The following ITGA8 variants were observed in gnomAD, a reference collection of about 807,000 sequenced individuals.
ITGA8 encodes the protein integrin subunit alpha 8.
Under a neutral mutation model 142.3 loss-of-function variants are expected in ITGA8, and 91 were observed. The observed-to-expected ratio is 0.64, with a 90% confidence interval of 0.54 to 0.76. The LOEUF (loss-of-function observed/expected upper bound fraction) is 0.76, where lower values mean the gene tolerates loss of function less well. ITGA8 is among the 30% of genes least tolerant of loss of function. The probability of loss-of-function intolerance (pLI) is 0.00; values close to 1 mark genes in which losing one functional copy is unlikely to be tolerated. For synonymous variants in ITGA8, 505 were observed against 485.2 expected (o/e 1.04, Z -0.54); for missense variants, 1,406 against 1,327.7 (o/e 1.06, Z -0.92).
chr10:15,674,294 A>G (rs979879177), intron 6 of ITGA8, among the ~76,000 whole-genome samples: 2 of 152,172 alleles, frequency 1.3e-5, no homozygotes, highest in Admixed American at 6.5e-5. Context: ...TCCTTTAGCT[A>G]TGTCTATACA....
At chr10:15,535,966 G>A (rs530708574) in intron 27 of ITGA8, among the ~76,000 whole-genome samples, 2 of 151,732 alleles carry the variant, frequency 1.3e-5, no homozygotes, top group South Asian at 2.1e-4. Context: ...GAATAACTCC[G>A]CGCTGCCTTA....
chr10:15,691,813 A>C (rs183941486), intron 2 of ITGA8, among the ~76,000 whole-genome samples: 1 of 152,314 alleles, frequency 6.6e-6, no homozygotes, highest in East Asian at 1.9e-4. Flanking sequence ...GATTTTAAAC[A>C]TTCTTAATAT....
chr10:15,544,078 G>A (rs1447916617), intron 27 of ITGA8, among the ~76,000 whole-genome samples: 1 of 152,070 alleles, frequency 6.6e-6, no homozygotes, highest in Non-Finnish European at 1.5e-5. Flanking sequence ...GAGGATCACT[G>A]GAAGCCAGGA....
rs748998159 is a variant in ITGA8 at position 15,719,546 on chromosome 10, C to T, written c.209+17G>A. 10 of 1,541,266 alleles carry T rather than the reference C, an allele frequency of 6.5e-6. No individual in the cohort carries two copies. In the East Asian group the frequency reaches 1.3e-4, roughly 20 times the overall value. The stretch of plus-strand genomic sequence containing the variant: ...GCCTTCGTCCCCGCGCGCACCTCCC[C>T]GGGTCGGGCGACTTACGTGCGGGCG... On this transcript the variant is annotated intron_variant, in intron 1 of 29. Coordinates refer to ENST00000378076, the MANE Select transcript of ITGA8 (RefSeq NM_003638.3).
At chr10:15,660,970 AAC>A (rs377666787) in intron 8 of ITGA8, 48 bp from the exon 9 acceptor site, 3,544 of 1,352,266 alleles carry the variant, frequency 2.6e-3, no homozygotes, top group Non-Finnish European at 2.9e-3. Context: ...CACACACACA[AAC>A]ACACACACAC....
chr10:15,535,793 C>T (rs959459828), intron 27 of ITGA8, among the ~76,000 whole-genome samples: 3 of 152,092 alleles, frequency 2.0e-5, no homozygotes, highest in Non-Finnish European at 2.9e-5. Flanking sequence ...CTGCTGGGGT[C>T]CCCTTCCACA....
At chr10:15,661,397 T>C (rs1834285066) in intron 8 of ITGA8, among the ~76,000 whole-genome samples, 1 of 152,204 alleles carries the variant, frequency 6.6e-6, no homozygotes, top group African/African-American at 2.4e-5. Context: ...ACCAAAACGG[T>C]TGCGGATTGC....
intron 20 of ITGA8, among the ~76,000 whole-genome samples, chr10:15,600,744 A>G (rs1833090120): frequency 6.6e-6 from 1 of 152,202 alleles, no homozygotes; most frequent in Non-Finnish European, 1.5e-5. Context: ...CAAACTAGGA[A>G]GACTGTTGCA....
chr10:15,690,816 C>T (rs1834919823), intron 2 of ITGA8, among the ~76,000 whole-genome samples: 1 of 152,156 alleles, frequency 6.6e-6, no homozygotes, highest in Admixed American at 6.6e-5. Flanking sequence ...AACTATACTA[C>T]TGCACCCACC....
intron 10 of ITGA8, among the ~76,000 whole-genome samples, chr10:15,658,198 A>G (rs567921714): frequency 6.6e-6 from 1 of 152,312 alleles, no homozygotes; most frequent in South Asian, 2.1e-4. Flanking sequence ...AAGAGGTCAG[A>G]TGATTTTCCT....
At chr10:15,629,123 T>A (rs1243680924) in intron 13 of ITGA8, among the ~76,000 whole-genome samples, 3 of 152,062 alleles carry the variant, frequency 2.0e-5, no homozygotes, top group African/African-American at 7.3e-5. Context: ...AGCTGGCATC[T>A]GAAGGCCCAG....
chr10:15,591,588 G>T (rs1182671337), intron 22 of ITGA8, among the ~76,000 whole-genome samples: 6 of 152,046 alleles, frequency 3.9e-5, no homozygotes, highest in African/African-American at 1.4e-4. Context: ...AGGTCTTCCT[G>T]TTCACGAAAT....
rs750217744 is a variant in ITGA8, at chr10:15,519,337, G to A, written c.3058C>T (p.Leu1020Phe). ...ATGGCGAGAACCAACAATCCAAGAA[G>A]TATTGCTAGTATTATTACCCATAAT... ...IPLWVIILAILLGLLVLAILT... is the reference protein window; with the variant it reads ...IPLWVIILAIFLGLLVLAILT... Residue 1020 changes from leucine to phenylalanine, a missense_variant, in exon 29 of 30, where the codon CTT becomes TTT. Transcript: ENST00000378076. The A allele has an allele frequency of 7.5e-5, 121 of 1,613,498 alleles. No individual in the cohort carries two copies. The highest frequency in any genetic ancestry group is 1.0e-4 in the Non-Finnish European group (119 of 1,179,704).
At chr10:15,558,860 C>T (rs896069774) in intron 25 of ITGA8, among the ~76,000 whole-genome samples, 1 of 152,200 alleles carries the variant, frequency 6.6e-6, no homozygotes, top group African/African-American at 2.4e-5. Flanking sequence ...CTGGGTCCAT[C>T]TGCTGGCTGG....
At chr10:15,550,738 A>G (rs1833779790) in intron 26 of ITGA8, among the ~76,000 whole-genome samples, 1 of 152,022 alleles carries the variant, frequency 6.6e-6, no homozygotes, top group African/African-American at 2.4e-5. Context: ...CATGCTAAGG[A>G]GTTTAGATTT....
intron 13 of ITGA8, among the ~76,000 whole-genome samples, chr10:15,625,302 C>G (rs889480662): frequency 1.8e-4 from 27 of 152,198 alleles, no homozygotes; most frequent in African/African-American, 6.3e-4. Flanking sequence ...AAATAGTTTT[C>G]TGTATATTAT....
At position 15,516,734 on chromosome 10, in the gene ITGA8, G is replaced by T. The variant is rs1403900359; in HGVS notation, c.*424C>A. 6.4e-6 allele frequency: 1 copy of T among 156,034 alleles called. No homozygotes were observed. The highest frequency in any genetic ancestry group is 1.4e-5 in the Non-Finnish European group (1 of 70,874). The allele number at this position is 156,034 out of a possible 1,614,324, so 9.7% of individuals were successfully genotyped here. ...CCATTGGATACAGTAGTGTTGGATGGTGTGGTCTTAGTTCTAAGTTCTATA... is the reference window on the plus strand; with the variant it reads ...CCATTGGATACAGTAGTGTTGGATGTTGTGGTCTTAGTTCTAAGTTCTATA... On this transcript the variant is annotated 3_prime_UTR_variant, in exon 30 of 30. Coordinates refer to ENST00000378076, the MANE Select transcript of ITGA8 (RefSeq NM_003638.3).
At chr10:15,521,973 C>G (rs376044736) in intron 28 of ITGA8, among the ~76,000 whole-genome samples, 1 of 152,250 alleles carries the variant, frequency 6.6e-6, no homozygotes, top group East Asian at 1.9e-4. Context: ...GCTGGATGAA[C>G]AGAAGTTGGC....
chr10:15,693,548 CAAAG>C (rs1455137468), intron 2 of ITGA8, among the ~76,000 whole-genome samples: 1 of 152,084 alleles, frequency 6.6e-6, no homozygotes, highest in African/African-American at 2.4e-5. Flanking sequence ...ACATGACTAA[CAAAG>C]AATTACAGCA....
Sources: gnomAD v4.1 joint callset for allele counts (sites outside exome capture counted in the v4.1 genomes callset) on GRCh38, gnomAD v4.1.1 for gene constraint, MANE v1.5 for transcripts, NCBI Gene and HGNC (gene_info 2026-07-23, HGNC 2026-07-21) for gene names.